Variants in STRA6 observed in about 807,000 individuals in gnomAD.
The protein encoded by STRA6 is signaling receptor and transporter of retinol STRA6.
A neutral mutation model predicts 83.6 loss-of-function variants in STRA6; 48 were observed. The observed-to-expected ratio is 0.57, with a 90% CI of 0.46 to 0.73. The LOEUF is 0.73. STRA6 is among the 30% of genes least tolerant of loss of function. STRA6 has a pLI of 0.00. For missense variants in STRA6, 760 were observed against 838.8 expected (o/e 0.91, Z 1.16); for synonymous variants, 353 against 362.3 (o/e 0.97, Z 0.29).
At chr15:74,185,512 T>G (rs1355936729) in intron 12 of STRA6, among the ~76,000 whole-genome samples, 2 of 152,224 alleles carry the variant, frequency 1.3e-5, no homozygotes, top group Non-Finnish European at 2.9e-5. Context: ...ACGTCTGCAC[T>G]AATGGTCTTC....
chr15:74,202,294 G>A lies in STRA6; in HGVS notation c.-15-12C>T. 3 of 1,559,046 alleles carry A rather than the reference G, an allele frequency of 1.9e-6. No individual in the cohort carries two copies. Among genetic ancestry groups the A allele is most frequent in the Non-Finnish European group, 2.6e-6 (3 of 1,159,858 alleles). ...CTCTGGCCCTTCTCCTTTGACCCCA[G>A]GCGAGAGAAAAAAAAAGCCACTACA... is the stretch of plus-strand genomic sequence containing the variant. On this transcript the variant is annotated splice_polypyrimidine_tract_variant and intron_variant, in intron 1 of 18. Coordinates refer to ENST00000395105, the MANE Select transcript of STRA6 (RefSeq NM_022369.4).
At chr15:74,191,140 G>A (rs373188517) in intron 10 of STRA6, 27 bp downstream of exon 10, 36 of 1,612,458 alleles carry the variant, frequency 2.2e-5, no homozygotes, top group South Asian at 3.3e-5. Flanking sequence ...CCCCTGTCAC[G>A]CTCGGCCTCA....
chr15:74,182,068 G>T, intron 16 of STRA6, 93 bp downstream of exon 16: 3 of 1,096,162 alleles, frequency 2.7e-6, no homozygotes, highest in South Asian at 2.5e-5. Context: ...AGAGAGAAGG[G>T]ATAGATGGCA....
At chr15:74,191,097 A>C in intron 10 of STRA6, 70 bp downstream of exon 10, 1 of 1,591,054 alleles carries the variant, frequency 6.3e-7, no homozygotes, top group Non-Finnish European at 8.6e-7. Context: ...CCAGTCCTCC[A>C]CTGCAGCCAT....
intron 8 of STRA6, among the ~76,000 whole-genome samples, chr15:74,192,160 C>T (rs544452627): frequency 2.6e-5 from 4 of 152,282 alleles, no homozygotes; most frequent in Admixed American, 2.6e-4. Flanking sequence ...ACTTAAACCT[C>T]TTTGACCAAA....
At chr15:74,186,908 GC>G (rs1225947340) in intron 12 of STRA6, among the ~76,000 whole-genome samples, 1 of 152,254 alleles carries the variant, frequency 6.6e-6, no homozygotes, top group Non-Finnish European at 1.5e-5. Flanking sequence ...CCCAGATTCA[GC>G]CAGGGCTAAA....
At position 74,189,036 on chromosome 15, in the gene STRA6, G is replaced by A. The variant is rs866310556; in HGVS notation, c.1090+79C>T. On this transcript the variant is annotated intron_variant, in intron 12 of 18. Coordinates refer to ENST00000395105, the MANE Select transcript of STRA6 (RefSeq NM_022369.4). ...GTCCAAGGGCCCCCAGTGTGTCCAT[G>A]GCTGACTAGGGCATAGACCTTGGGT... 18 of 1,559,342 alleles carry A rather than the reference G, an allele frequency of 1.2e-5. No individual in the cohort carries two copies. In the Middle Eastern group the frequency reaches 2.7e-3, roughly 232 times the overall value.
rs773953074 is a variant in STRA6, at chr15:74,193,822, C to A, written c.698G>T (p.Arg233Leu). Residue 233 changes from arginine to leucine, a missense_variant, in exon 8 of 19, where the codon CGT (arginine) becomes CTT (leucine). Coordinates refer to ENST00000395105, the MANE Select transcript of STRA6 (RefSeq NM_022369.4). ...TACCTTGGAGCCTGCTCCTGTCCTA[C>A]GGCTGAAGCTTCTCACCAGCTGCAC... The part of the protein sequence containing the change: ...YPVQLVRSFS[R>L]RTGAGSKGLQ... 11 of 1,613,902 alleles carry A rather than the reference C, an allele frequency of 6.8e-6. No homozygotes were observed. The highest frequency in any genetic ancestry group is 1.3e-5 in the African/African-American group (1 of 75,020).
At chr15:74,198,304 C>A (rs2073915312) in intron 2 of STRA6, among the ~76,000 whole-genome samples, 1 of 151,844 alleles carries the variant, frequency 6.6e-6, no homozygotes, top group African/African-American at 2.4e-5. Flanking sequence ...AGAGACAGGG[C>A]CTCACCATGT....
In STRA6 at chr15:74,193,997, C is replaced by T. The variant is rs537082500; in HGVS notation, c.598-75G>A. ...CCAAGAACCAGAATCCGTTGCCCTT[C>T]CCACCTCACACTGGGCCCTGAGGGT... On this transcript the variant is annotated intron_variant, in intron 7 of 18. Coordinates refer to ENST00000395105, the MANE Select transcript of STRA6 (RefSeq NM_022369.4). The T allele has an allele frequency of 1.8e-5, 29 of 1,589,904 alleles. No individual in the cohort carries two copies. The East Asian group carries it at 5.7e-4, about 31-fold the overall frequency.
Position 74,180,811 on chromosome 15 carries a change from T to C in STRA6, c.1811A>G (p.Asp604Gly). Residue 604 changes from aspartate to glycine, a missense_variant, in exon 18 of 19, where the codon GAC becomes GGC. By Grantham distance (94) the Asp-to-Gly change is moderately conservative (BLOSUM62 -1). Coordinates refer to ENST00000395105, the MANE Select transcript of STRA6 (RefSeq NM_022369.4). ...GTCTTCCTCCCCTGGTCTGAGGCTGTCCTGGGGGGCTGCCATGGTCCTGGG... is the reference window on the plus strand; with the variant it reads ...GTCTTCCTCCCCTGGTCTGAGGCTGCCCTGGGGGGCTGCCATGGTCCTGGG... Reference protein sequence around the residue: ...LLPRTMAAPQDSLRPGEEDEG... With the variant: ...LLPRTMAAPQGSLRPGEEDEG... 1.2e-6 allele frequency: 2 copies of C among 1,613,426 alleles called. No individual in the cohort carries two copies. The highest frequency in any genetic ancestry group is 1.7e-6 in the Non-Finnish European group (2 of 1,179,512).
intron 1 of STRA6, chr15:74,208,166 C>G (rs2074305897): frequency 1.6e-6 from 1 of 629,026 alleles, no homozygotes; most frequent in Non-Finnish European, 2.1e-6. Context: ...GAGGGCTAGG[C>G]TAGTACTGAC....
intron 14 of STRA6, chr15:74,183,549 T>A: frequency 8.1e-7 from 1 of 1,230,524 alleles, no homozygotes; most frequent in African/African-American, 1.6e-5. Context: ...CAGCCAGGAA[T>A]GTACCATTTT....
upstream of STRA6, chr15:74,207,555 T>C: frequency 1.3e-6 from 1 of 777,916 alleles, no homozygotes; most frequent in South Asian, 1.7e-5. Context: ...CACCCTCCCA[T>C]CTCAGCCCTT....
At chr15:74,200,890 C>G (rs981487761) in intron 2 of STRA6, among the ~76,000 whole-genome samples, 1 of 152,202 alleles carries the variant, frequency 6.6e-6, no homozygotes, top group African/African-American at 2.4e-5. Flanking sequence ...TTACAGGCAC[C>G]TGGCCCCCAG....
At chr15:74,202,797 C>T (rs773460079), upstream of STRA6, 130 of 1,124,262 alleles carry the variant, frequency 1.2e-4, no homozygotes, top group Admixed American at 4.7e-5. Flanking sequence ...TGCCTGGGCC[C>T]TCCCAGCTGG....
chr15:74,211,921 T>G (rs1413528558), upstream of STRA6, among the ~76,000 whole-genome samples: 5 of 152,196 alleles, frequency 3.3e-5, no homozygotes, highest in Non-Finnish European at 7.3e-5. Flanking sequence ...CTCTCTCTGT[T>G]GTTTCCTTTT....
At chr15:74,196,169 G>T in intron 4 of STRA6, 22 bp from the exon 5 acceptor site, 1 of 1,612,762 alleles carries the variant, frequency 6.2e-7, no homozygotes. Flanking sequence ...GCAAGGACAG[G>T]GCAGGAGGGA....
rs376678879 is a variant in STRA6, at chr15:74,182,162, G to C, written c.1519C>G (p.Arg507Gly). The C allele has an allele frequency of 6.2e-7, 1 of 1,613,822 alleles. No individual in the cohort carries two copies. The highest frequency in any genetic ancestry group is 1.1e-5 in the South Asian group (1 of 91,068). Reference protein sequence around the residue: ...THDGHPQLTNRRVLYAATFLL... With the variant: ...THDGHPQLTNGRVLYAATFLL... Reference sequence around the variant, plus strand: ...CCACAAGCCCAGATGCCACCTCACCGGTTGGTCAGCTGTGGGTGTCCATCA... The same window carrying C: ...CCACAAGCCCAGATGCCACCTCACCCGTTGGTCAGCTGTGGGTGTCCATCA... Residue 507 changes from arginine to glycine, a missense_variant and splice_region_variant, in exon 16 of 19, where the codon CGG becomes GGG. Transcript: ENST00000395105.
Sources: allele counts gnomAD v4.1 joint callset (sites outside exome capture counted in the v4.1 genomes callset), GRCh38; gene constraint gnomAD v4.1.1; transcripts MANE v1.5; gene names NCBI Gene and HGNC (gene_info 2026-07-23, HGNC 2026-07-21).